Variants in DNA2 observed in about 807,000 individuals in gnomAD.
DNA2 encodes the protein DNA replication helicase/nuclease 2.
Under a neutral mutation model 119.1 loss-of-function variants are expected in DNA2, and 101 were observed. That is an observed-to-expected ratio of 0.85 (90% CI 0.72 to 1.00). The LOEUF (loss-of-function observed/expected upper bound fraction) is 1.00, where lower values mean the gene tolerates loss of function less well. Ranked by LOEUF, DNA2 falls within the 50% of genes least tolerant of loss-of-function variation. DNA2 has a pLI of 0.00. For synonymous variants in DNA2, 366 were observed against 424.4 expected (o/e 0.86, Z 1.69); for missense variants, 1,121 against 1,255.5 (o/e 0.89, Z 1.62).
At chr10:68,446,059 G>A (rs2052034809) in intron 7 of DNA2, among the ~76,000 whole-genome samples, 1 of 152,112 alleles carries the variant, frequency 6.6e-6, no homozygotes, top group African/African-American at 2.4e-5. Flanking sequence ...AGAAGGTGGA[G>A]GTTGCAATGA....
intron 20 of DNA2, 23 bp from the exon 21 acceptor site, chr10:68,415,130 T>G: frequency 1.4e-6 from 2 of 1,438,228 alleles, no homozygotes; most frequent in Non-Finnish European, 1.9e-6. Context: ...AAGGAAGAAA[T>G]ATTTAGCACA....
At chr10:68,442,327 T>C (rs1433507898) in intron 9 of DNA2, among the ~76,000 whole-genome samples, 1 of 151,932 alleles carries the variant, frequency 6.6e-6, no homozygotes, top group Non-Finnish European at 1.5e-5. Flanking sequence ...CCAGCAATTC[T>C]CCTGCCTCAG....
rs139110635 is a variant in DNA2 at position 68,418,969 on chromosome 10, G to A, written c.2967+65C>T. 2.7e-4 allele frequency: 400 copies of A among 1,468,048 alleles called. 1 individual carries two copies. In the East Asian group the frequency reaches 7.9e-3, roughly 29 times the overall value. 90.9% of individuals were successfully genotyped at this position (1,468,048 alleles called of 1,614,324 possible). ...ATTACAGGTGTGAGCCACCGCGCCC[G>A]GCCCACAATTTTTAAAGAGAGAGAA... On this transcript the variant is annotated intron_variant, in intron 19 of 20. Coordinates refer to ENST00000358410, the MANE Select transcript of DNA2 (RefSeq NM_001080449.3).
intron 4 of DNA2, among the ~76,000 whole-genome samples, chr10:68,460,103 C>T (rs2052237146): frequency 6.6e-6 from 1 of 150,966 alleles, no homozygotes; most frequent in African/African-American, 2.4e-5. Context: ...TTTTCTTTTT[C>T]TCTTTTCTTT....
Position 68,414,916 on chromosome 10 carries a change from C to T in DNA2, c.*123G>A, listed in dbSNP as rs571983304. The T allele has an allele frequency of 7.3e-5, 41 of 561,664 alleles. No homozygotes were observed. In the Admixed American group the frequency reaches 9.2e-4, roughly 13 times the overall value. The allele number at this position is 561,664 out of a possible 1,614,324, so 34.8% of individuals were successfully genotyped here. A position where few individuals can be genotyped will look rare whatever the true frequency, so the allele number is the denominator to read the frequency against. ...ATAAATTCAGACTTTTCACAGTTTT[C>T]GGTACACCTGTGCTTTAAAACATAA... is the stretch of plus-strand genomic sequence containing the variant. On this transcript the variant is annotated 3_prime_UTR_variant, in exon 21 of 21. Transcript: ENST00000358410.
chr10:68,453,601 C>T (rs551627227), intron 5 of DNA2, among the ~76,000 whole-genome samples: 1 of 152,262 alleles, frequency 6.6e-6, no homozygotes, highest in African/African-American at 2.4e-5. Flanking sequence ...TAAAAAATTC[C>T]ATTGCCTAGT....
rs973355465 is a variant in DNA2 at position 68,443,126 on chromosome 10, C to G, written c.1221-15G>C. 6.5e-6 allele frequency: 10 copies of G among 1,542,486 alleles called. No homozygotes were observed. The highest frequency in any genetic ancestry group is 7.9e-6 in the Non-Finnish European group (9 of 1,144,772). On this transcript the variant is annotated splice_polypyrimidine_tract_variant and intron_variant, in intron 8 of 20. Transcript: ENST00000358410. Reference sequence around the variant, plus strand: ...GTTCAACTGCTCTAAATATAAAGTTCCAAGTTAGAGATGCTTATAAACCAT... The same window carrying G: ...GTTCAACTGCTCTAAATATAAAGTTGCAAGTTAGAGATGCTTATAAACCAT...
intron 5 of DNA2, among the ~76,000 whole-genome samples, chr10:68,456,229 A>G (rs534952948): frequency 6.6e-6 from 1 of 152,162 alleles, no homozygotes; most frequent in South Asian, 2.1e-4. Context: ...CAAAACAGAG[A>G]GAGAAAAAAA....
chr10:68,422,430 C>T lies in DNA2; in HGVS notation c.2493-1G>A. On this transcript the variant is annotated splice_acceptor_variant, in intron 16 of 20. Coordinates refer to ENST00000358410, the MANE Select transcript of DNA2 (RefSeq NM_001080449.3). LOFTEE classifies it high-confidence loss of function. ...CTTATTACTTAAGGACATAATTTTA[C>T]TAAGGGAATTACAAAAGATAACTTT... 6.2e-7 allele frequency: 1 copy of T among 1,612,980 alleles called. No individual in the cohort carries two copies. The highest frequency in any genetic ancestry group is 2.2e-5 in the East Asian group (1 of 44,892).
rs148807213 is a variant in DNA2 at position 68,441,851 on chromosome 10, T to G, written c.1415+1066A>C. 8.6e-3 allele frequency among the ~76,000 whole-genome samples: 1,308 copies of G among 152,238 alleles called. 27 individuals carry two copies. The highest frequency in any genetic ancestry group is 0.03 in the African/African-American group (1,258 of 41,520). On this transcript the variant is annotated intron_variant, in intron 9 of 20. Transcript: ENST00000358410. ...GCATTATACCAATATATACAACAATTTACTTTAAGATATACTCAAGTTTAT... is the reference window on the plus strand; with the variant it reads ...GCATTATACCAATATATACAACAATGTACTTTAAGATATACTCAAGTTTAT...
intron 5 of DNA2, among the ~76,000 whole-genome samples, chr10:68,450,766 T>C (rs1401093419): frequency 1.3e-5 from 2 of 152,166 alleles, no homozygotes; most frequent in Admixed American, 1.3e-4. Context: ...ATGGCTTGCA[T>C]GTGGTTGCGC....
chr10:68,418,606 C>CG (rs2051623290), intron 19 of DNA2, among the ~76,000 whole-genome samples: 1 of 151,554 alleles, frequency 6.6e-6, no homozygotes, highest in Non-Finnish European at 1.5e-5. Context: ...CCCCAACCCG[C>CG]TAAAGGCCAT....
intron 4 of DNA2, among the ~76,000 whole-genome samples, chr10:68,463,447 A>C (rs2052285915): frequency 1.3e-5 from 2 of 150,124 alleles, no homozygotes; most frequent in Non-Finnish European, 3.0e-5. Flanking sequence ...CCATCTCAAA[A>C]AAAAAAAAAA....
At chr10:68,435,848 A>G (rs1035876817) in intron 10 of DNA2, among the ~76,000 whole-genome samples, 1 of 152,216 alleles carries the variant, frequency 6.6e-6, no homozygotes, top group South Asian at 2.1e-4. Context: ...TTTTTATTTA[A>G]AAAAGGAGAG....
At chr10:68,468,030 G>T in intron 3 of DNA2, 93 bp downstream of exon 3, 2 of 946,616 alleles carry the variant, frequency 2.1e-6, no homozygotes, top group East Asian at 2.8e-5. Context: ...TATTTTATAG[G>T]GTTGCTGGGA....
chr10:68,421,905 C>T (rs749789016), intron 17 of DNA2, among the ~76,000 whole-genome samples: 28 of 151,980 alleles, frequency 1.8e-4, no homozygotes, highest in Non-Finnish European at 1.8e-4. Context: ...ACCTCCGCCT[C>T]CCGGGCTGAA....
rs762494948 is a variant in DNA2 at position 68,465,783 on chromosome 10, T to C, written c.471A>G (p.Leu157=). The change falls in exon 4 of 21, where the codon CTA becomes CTG. Residue 157 remains leucine (L), a synonymous_variant. Coordinates refer to ENST00000358410, the MANE Select transcript of DNA2 (RefSeq NM_001080449.3). The part of the protein sequence containing the change: ...RSSDPATRQM[L]IGTVLHEVFQ... ...ACACCTCATGGAGAACCGTACCAAT[T>C]AGCATTTGGCGTGTGGCTGGATCAG... The C allele has an allele frequency of 2.1e-5, 34 of 1,595,468 alleles. No individual in the cohort carries two copies. Among genetic ancestry groups the C allele is most frequent in the Non-Finnish European group, 2.6e-5 (31 of 1,171,546 alleles).
At chr10:68,467,521 C>G (rs1413476894) in intron 3 of DNA2, among the ~76,000 whole-genome samples, 1 of 152,064 alleles carries the variant, frequency 6.6e-6, no homozygotes, top group Non-Finnish European at 1.5e-5. Context: ...ACAATCATCT[C>G]TTTGTATGTT....
At chr10:68,471,996 A>C, upstream of DNA2, 2 of 1,610,244 alleles carry the variant, frequency 1.2e-6, no homozygotes, top group Non-Finnish European at 8.5e-7. Context: ...AGATGTCCCA[A>C]ATGACCTGCG....
Sources: gnomAD v4.1 joint callset for allele counts (sites outside exome capture counted in the v4.1 genomes callset) on GRCh38, gnomAD v4.1.1 for gene constraint, MANE v1.5 for transcripts, NCBI Gene and HGNC (gene_info 2026-07-23, HGNC 2026-07-21) for gene names.